The following C12orf42 variants were observed in gnomAD, a reference collection of about 807,000 sequenced individuals.
C12orf42 encodes chromosome 12 open reading frame 42, also known as uncharacterized protein C12orf42.
In C12orf42, 25 loss-of-function variants were observed where a neutral mutation model predicts 21.6. The observed-to-expected ratio is 1.16, with a 90% confidence interval of 0.84 to 1.62. C12orf42 has a LOEUF of 1.62. C12orf42 is among the 40% of genes most tolerant of loss of function. The probability of loss-of-function intolerance (pLI) is 0.00; values close to 1 mark genes in which losing one functional copy is unlikely to be tolerated. For missense variants in C12orf42, 483 were observed against 459.3 expected (o/e 1.05, Z -0.47); for synonymous variants, 174 against 175.0 (o/e 0.99, Z 0.05).
chr12:103,224,069 C>G, the C12orf42 span, among the ~76,000 whole-genome samples: 7 of 151,578 alleles, frequency 4.6e-5, no homozygotes, highest in East Asian at 5.8e-4. Flanking sequence ...TCTGACAGAA[C>G]GGAAGAAATG....
At chr12:103,526,744 G>T in the C12orf42 span, among the ~76,000 whole-genome samples, 3,745 of 152,280 alleles carry the variant, frequency 0.025, 148 homozygotes, top group African/African-American at 0.085. Context: ...GGAAAAGAAA[G>T]CTGTTAACAA....
chr12:103,377,518 A>C lies in C12orf42; in HGVS notation c.148-8520T>G, dbSNP rs2045801243. Among the ~76,000 whole-genome samples the C allele has an allele frequency of 3.3e-5, 5 of 152,216 alleles. 1 individual carries two copies. In the South Asian group the frequency reaches 1.0e-3, roughly 32 times the overall value. On this transcript the variant is annotated intron_variant, in intron 3 of 5. Coordinates refer to ENST00000548883, the MANE Select transcript of C12orf42 (RefSeq NM_198521.5). Reference sequence around the variant, plus strand: ...ACCAGACCGGTAACATTCTGGGTAGAGAGCAGGAGGAAAGGGCCCGAGTGT... The same window carrying C: ...ACCAGACCGGTAACATTCTGGGTAGCGAGCAGGAGGAAAGGGCCCGAGTGT...
In C12orf42 at chr12:103,353,236, G is replaced by A. The variant is rs189861911; in HGVS notation, c.259+15651C>T. 6.6e-5 allele frequency among the ~76,000 whole-genome samples: 10 copies of A among 150,488 alleles called. No individual in the cohort carries two copies. In the East Asian group the frequency reaches 8.0e-4, roughly 12 times the overall value. On this transcript the variant is annotated intron_variant, in intron 4 of 5. Transcript: ENST00000548883. ...GGTTTGGACCAATGGACTGATGGCC[G>A]TGGTACTCATAGAAAATGTCACCCC...
intron 3 of C12orf42, chr12:103,397,644 G>T (rs2047648339): frequency 6.6e-6 from 1 of 152,120 alleles, no homozygotes; most frequent in Non-Finnish European, 1.5e-5. Context: ...AAAAATGTTG[G>T]GGACAACTGC....
chr12:103,517,276 C>G, the C12orf42 span, among the ~76,000 whole-genome samples: 17 of 152,206 alleles, frequency 1.1e-4, no homozygotes, highest in Admixed American at 6.5e-5. Flanking sequence ...GCTTTTTCTA[C>G]TGACGCTAGT....
chr12:103,390,569 A>G (rs1188821215), intron 3 of C12orf42, among the ~76,000 whole-genome samples: 3 of 152,172 alleles, frequency 2.0e-5, no homozygotes, highest in Non-Finnish European at 4.4e-5. Flanking sequence ...AACAGAACCG[A>G]TAGGATATAT....
intron 5 of C12orf42, among the ~76,000 whole-genome samples, chr12:103,272,428 CAT>C (rs1476724319): frequency 6.6e-6 from 1 of 152,186 alleles, no homozygotes; most frequent in Non-Finnish European, 1.5e-5. Flanking sequence ...AAAACAATTT[CAT>C]CCTTTGATGA....
intron 4 of C12orf42, among the ~76,000 whole-genome samples, chr12:103,287,893 C>A (rs17033666): frequency 1.3e-5 from 2 of 151,914 alleles, no homozygotes; most frequent in Non-Finnish European, 1.5e-5. Context: ...TCTGAAAGCC[C>A]GGAGCTGGAG....
the C12orf42 span, among the ~76,000 whole-genome samples, chr12:103,195,724 A>T: frequency 3.3e-5 from 5 of 151,952 alleles, no homozygotes; most frequent in South Asian, 1.0e-3. Flanking sequence ...ATTTTTTCCT[A>T]TTCTGTAGGT....
intron 3 of C12orf42, among the ~76,000 whole-genome samples, chr12:103,388,097 T>C (rs2046764483): frequency 6.6e-6 from 1 of 152,206 alleles, no homozygotes; most frequent in African/African-American, 2.4e-5. Context: ...TCCTCCACTC[T>C]TAAGTGTGCA....
chr12:103,051,824 T>G, the C12orf42 span, among the ~76,000 whole-genome samples: 1 of 152,228 alleles, frequency 6.6e-6, no homozygotes, highest in Non-Finnish European at 1.5e-5. Flanking sequence ...CCTAGGGACA[T>G]ACTCAAGTCT....
chr12:103,494,830 G>C (rs2138232247), intron 1 of C12orf42, among the ~76,000 whole-genome samples: 1 of 152,294 alleles, frequency 6.6e-6, no homozygotes, highest in African/African-American at 2.4e-5. Context: ...AAGAAGGGAG[G>C]GGGTGTCGAA....
intron 4 of C12orf42, among the ~76,000 whole-genome samples, chr12:103,325,568 A>G (rs147813687): frequency 1.3e-5 from 2 of 152,340 alleles, no homozygotes; most frequent in Non-Finnish European, 2.9e-5. Context: ...GAAGGTCATG[A>G]CATCATGCTG....
At chr12:103,486,124 C>CTTA (rs1593005565) in intron 1 of C12orf42, among the ~76,000 whole-genome samples, 1 of 152,070 alleles carries the variant, frequency 6.6e-6, no homozygotes, top group East Asian at 1.9e-4. Flanking sequence ...ATAGATAGGT[C>CTTA]TTATTATTTT....
chr12:103,518,723 A>G, the C12orf42 span, among the ~76,000 whole-genome samples: 319 of 152,308 alleles, frequency 2.1e-3, no homozygotes, highest in African/African-American at 7.3e-3. Flanking sequence ...ATGAATTCCA[A>G]TCTATCTTTT....
At chr12:103,442,367 C>G (rs558625358) in intron 2 of C12orf42, among the ~76,000 whole-genome samples, 4 of 152,244 alleles carry the variant, frequency 2.6e-5, no homozygotes. Context: ...TGAACAATGA[C>G]GTTTGCATGC....
intron 2 of C12orf42, among the ~76,000 whole-genome samples, chr12:103,460,507 G>C (rs1211881614): frequency 6.6e-6 from 1 of 152,180 alleles, no homozygotes; most frequent in Non-Finnish European, 1.5e-5. Context: ...GTAGGGTCCA[G>C]TACTGAGGCT....
rs142981924 is a variant in C12orf42 at position 103,383,712 on chromosome 12, G to T, written c.148-14714C>A. On this transcript the variant is annotated intron_variant, in intron 3 of 5. Coordinates refer to ENST00000548883, the MANE Select transcript of C12orf42 (RefSeq NM_198521.5). ...CATAGCCAACATAAATGACATAGCA[G>T]TTCAGCCTGCATTACAGAAGTTCGC... 1.7e-3 allele frequency among the ~76,000 whole-genome samples: 265 copies of T among 152,330 alleles called. 1 individual carries two copies. Among genetic ancestry groups the T allele is most frequent in the African/African-American group, 6.1e-3 (252 of 41,580 alleles).
chr12:103,523,803 A>G, the C12orf42 span, among the ~76,000 whole-genome samples: 1 of 151,864 alleles, frequency 6.6e-6, no homozygotes, highest in Non-Finnish European at 1.5e-5. Context: ...CCCATAAAAG[A>G]GGTATTATTA....
Sources: gnomAD v4.1 joint callset for allele counts (sites outside exome capture counted in the v4.1 genomes callset) on GRCh38, gnomAD v4.1.1 for gene constraint, MANE v1.5 for transcripts, NCBI Gene and HGNC (gene_info 2026-07-23, HGNC 2026-07-21) for gene names.